AKT3: variants seen among roughly 807,000 people sequenced by gnomAD.
The protein encoded by AKT3 is RAC-gamma serine/threonine-protein kinase.
In AKT3, 15 loss-of-function variants were observed where a neutral mutation model predicts 65.3. That is an observed-to-expected ratio of 0.23 (90% CI 0.15 to 0.35). AKT3 has a LOEUF of 0.35. Among genes scored for constraint, AKT3 ranks in the 10% least tolerant of loss-of-function variants. AKT3 has a pLI of 1.00. For synonymous variants in AKT3, 206 were observed against 183.8 expected, an observed-to-expected ratio of 1.12 and a Z score of -0.98; for missense variants, 243 against 576.5, an observed-to-expected ratio of 0.42 and a Z score of 5.92.
intron 3 of AKT3, among the ~76,000 whole-genome samples, chr1:243,676,148 G>A (rs1683493861): frequency 6.6e-6 from 1 of 152,142 alleles, no homozygotes; most frequent in Non-Finnish European, 1.5e-5. Flanking sequence ...GCAGGTCAAC[G>A]AGTTGAAGTG....
intron 2 of AKT3, among the ~76,000 whole-genome samples, chr1:243,813,825 C>T (rs1309751629): frequency 6.6e-6 from 1 of 152,176 alleles, no homozygotes; most frequent in Non-Finnish European, 1.5e-5. Flanking sequence ...AGTATATGGA[C>T]TGGGCACAGT....
At chr1:243,836,782 T>C (rs1166110337) in intron 2 of AKT3, among the ~76,000 whole-genome samples, 1 of 151,632 alleles carries the variant, frequency 6.6e-6, no homozygotes, top group African/African-American at 2.4e-5. Flanking sequence ...TGGTGGCACA[T>C]GACTGTAAAT....
At chr1:243,495,925 A>C (rs1413524848), downstream of AKT3, among the ~76,000 whole-genome samples, 1 of 152,136 alleles carries the variant, frequency 6.6e-6, no homozygotes, top group African/African-American at 2.4e-5. Flanking sequence ...CTTTGAGGTC[A>C]AACTGCCTGG....
chr1:243,767,831 T>C (rs1325511656), intron 2 of AKT3, among the ~76,000 whole-genome samples: 1 of 152,118 alleles, frequency 6.6e-6, no homozygotes, highest in Non-Finnish European at 1.5e-5. Flanking sequence ...TTTTTCTTAA[T>C]GTCTTATTGC....
downstream of AKT3, among the ~76,000 whole-genome samples, chr1:243,497,870 T>TG (rs1193562846): frequency 6.6e-6 from 1 of 152,104 alleles, no homozygotes; most frequent in Non-Finnish European, 1.5e-5. Context: ...TTTGTAGAGA[T>TG]GAGGTCTCAC....
Position 243,645,958 on chromosome 1 carries a change from T to G in AKT3, c.364A>C (p.Thr122Pro). The change falls in exon 5 of 14, where the codon ACT (threonine) becomes CCT (proline). Residue 122 changes from threonine to proline, a missense_variant. Physicochemically the swap from Thr to Pro is conservative, Grantham distance 38 (BLOSUM62 -1). Around this residue, in one of 6 missense-constraint regions of AKT3, gnomAD observed 72 missense variants for 86.0 expected, o/e 0.84. Transcript: ENST00000673466. ...QEEERMNCSP[T>P]SQIDNIGEEE... ...TCTCCTATATTATCAATTTGTGAAGTTGGACTACAATTCATTCTCTCCTCT... is the reference window on the plus strand; with the variant it reads ...TCTCCTATATTATCAATTTGTGAAGGTGGACTACAATTCATTCTCTCCTCT... The G allele has an allele frequency of 6.2e-7, 1 of 1,612,722 alleles. No homozygotes were observed. The highest frequency in any genetic ancestry group is 8.5e-7 in the Non-Finnish European group (1 of 1,178,870).
At chr1:243,529,640 A>G (rs1039734339) in intron 12 of AKT3, among the ~76,000 whole-genome samples, 1 of 152,020 alleles carries the variant, frequency 6.6e-6, no homozygotes, top group Non-Finnish European at 1.5e-5. Context: ...ATTCTGTCCC[A>G]TTGGTCTATG....
intron 6 of AKT3, among the ~76,000 whole-genome samples, 166 bp downstream of exon 6, chr1:243,637,445 T>A (rs1023578452): frequency 6.6e-6 from 1 of 152,094 alleles, no homozygotes; most frequent in Non-Finnish European, 1.5e-5. Flanking sequence ...CTGAAAACTT[T>A]AAAAATTACA....
At chr1:243,652,771 C>CAAAAAAAAAAA (rs371580711) in intron 4 of AKT3, among the ~76,000 whole-genome samples, 95 of 31,256 alleles carry the variant, frequency 3.0e-3, no homozygotes, top group African/African-American at 4.9e-3. Flanking sequence ...AAATAGAAAG[C>CAAAAAAAAAAA]AAAAAAAAAA....
chr1:243,700,273 T>C (rs2148040485), intron 2 of AKT3, among the ~76,000 whole-genome samples: 1 of 152,304 alleles, frequency 6.6e-6, no homozygotes, highest in East Asian at 1.9e-4. Context: ...AGAATCCTAC[T>C]TGTAAATTAT....
chr1:243,512,407 G>T lies in AKT3; in HGVS notation c.1271C>A (p.Pro424His). The T allele has an allele frequency of 6.3e-7, 1 of 1,580,468 alleles. No homozygotes were observed. The highest frequency in any genetic ancestry group is 1.8e-5 in the Admixed American group (1 of 56,128). ...YDKKLVPPFK[P>H]QVTSETDTRY... ...AGTATCTGTCTCAGATGTTACTTGAGGTTTAAAAGGAGGTACAAGCTGTAA... is the reference window on the plus strand; with the variant it reads ...AGTATCTGTCTCAGATGTTACTTGATGTTTAAAAGGAGGTACAAGCTGTAA... Residue 424 changes from proline to histidine, a missense_variant, in exon 13 of 14, where the codon CCT becomes CAT. This residue lies in a region of AKT3 where 57 missense variants were observed against 107.6 expected (regional missense o/e 0.53). Coordinates refer to ENST00000673466, the MANE Select transcript of AKT3 (RefSeq NM_005465.7).
At chr1:243,561,385 T>C (rs908278406) in intron 10 of AKT3, among the ~76,000 whole-genome samples, 1 of 152,104 alleles carries the variant, frequency 6.6e-6, no homozygotes, top group African/African-American at 2.4e-5. Flanking sequence ...GGTCTTCAAA[T>C]TAGGATTTTT....
chr1:243,661,446 C>A (rs1167087087), intron 4 of AKT3, among the ~76,000 whole-genome samples: 17 of 151,682 alleles, frequency 1.1e-4, no homozygotes, highest in Non-Finnish European at 2.1e-4. Context: ...GAAAAACAAG[C>A]AATGGGGAAA....
At chr1:243,498,707 C>T (rs1668687164), downstream of AKT3, among the ~76,000 whole-genome samples, 1 of 152,242 alleles carries the variant, frequency 6.6e-6, no homozygotes, top group South Asian at 2.1e-4. Context: ...ACTCATTGCC[C>T]TGTCTTGGAA....
At chr1:243,545,679 G>A (rs929638118) in intron 11 of AKT3, 82 bp from the exon 12 acceptor site, 4 of 979,128 alleles carry the variant, frequency 4.1e-6, no homozygotes, top group Non-Finnish European at 6.3e-6. Flanking sequence ...TTGTGAAAGT[G>A]TAATTTTCTG....
At chr1:243,766,961 T>C (rs965440095) in intron 2 of AKT3, among the ~76,000 whole-genome samples, 104 of 152,294 alleles carry the variant, frequency 6.8e-4, no homozygotes, top group Non-Finnish European at 1.1e-3. Context: ...TCTGAACTTA[T>C]GATGACAATG....
At chr1:243,568,432 G>A (rs1251361758) in intron 9 of AKT3, among the ~76,000 whole-genome samples, 1 of 151,132 alleles carries the variant, frequency 6.6e-6, no homozygotes, top group Non-Finnish European at 1.5e-5. Context: ...ATGCTTTTGA[G>A]GAGAGAGAAA....
intron 2 of AKT3, among the ~76,000 whole-genome samples, chr1:243,754,206 T>A (rs1290079168): frequency 6.6e-6 from 1 of 152,214 alleles, no homozygotes; most frequent in African/African-American, 2.4e-5. Flanking sequence ...CAAGGGAAAC[T>A]TTGATTTGTT....
At chr1:243,769,728 T>C (rs1018110286) in intron 2 of AKT3, among the ~76,000 whole-genome samples, 3 of 152,238 alleles carry the variant, frequency 2.0e-5, no homozygotes, top group Non-Finnish European at 4.4e-5. Flanking sequence ...TTTTCTCCCA[T>C]ACTCTATTCT....
Sources: allele counts gnomAD v4.1 joint callset (sites outside exome capture counted in the v4.1 genomes callset), GRCh38; gene constraint gnomAD v4.1.1; regional missense constraint gnomAD v4.1.1; transcripts MANE v1.5; gene names NCBI Gene and HGNC (gene_info 2026-07-23, HGNC 2026-07-21).